The following NFIA variants were observed in gnomAD, a reference collection of about 807,000 sequenced individuals.
The protein encoded by NFIA is nuclear factor 1 A-type.
Under a neutral mutation model 62.8 loss-of-function variants are expected in NFIA, and 8 were observed. That is an observed-to-expected ratio of 0.13 (90% confidence interval 0.07 to 0.23). NFIA has a LOEUF of 0.23. NFIA is among the 10% of genes least tolerant of loss of function. The pLI is 1.00. For missense variants in NFIA, 410 were observed against 642.1 expected (o/e 0.64, Z 3.91); for synonymous variants, 235 against 238.1 (o/e 0.99, Z 0.12).
At chr1:61,235,509 TA>T (rs1654949777) in intron 2 of NFIA, among the ~76,000 whole-genome samples, 1 of 122,810 alleles carries the variant, frequency 8.1e-6, no homozygotes. Context: ...TAAATAAAAA[TA>T]AAAAATAAAA....
At chr1:61,107,894 C>T (rs907381505) in intron 2 of NFIA, among the ~76,000 whole-genome samples, 1 of 151,556 alleles carries the variant, frequency 6.6e-6, no homozygotes, top group African/African-American at 2.4e-5. Flanking sequence ...TTCACTTTAT[C>T]ACTTATTGAA....
chr1:61,306,940 T>G (rs897058759), intron 3 of NFIA, among the ~76,000 whole-genome samples: 6 of 152,196 alleles, frequency 3.9e-5, no homozygotes, highest in African/African-American at 7.2e-5. Context: ...TGGAGGACTT[T>G]TCTTTTCTAA....
At chr1:61,399,792 C>A (rs913408271) in intron 7 of NFIA, among the ~76,000 whole-genome samples, 3 of 152,158 alleles carry the variant, frequency 2.0e-5, no homozygotes, top group African/African-American at 7.2e-5. Flanking sequence ...CTAGTTCTGA[C>A]TCCTCTTAAG....
intron 2 of NFIA, among the ~76,000 whole-genome samples, chr1:61,136,686 G>A (rs953417871): frequency 1.3e-5 from 2 of 152,146 alleles, no homozygotes; most frequent in African/African-American, 4.8e-5. Context: ...TAACACCTAT[G>A]CACAAAGCAT....
At chr1:61,222,184 C>T (rs149823687) in intron 2 of NFIA, among the ~76,000 whole-genome samples, 9 of 152,124 alleles carry the variant, frequency 5.9e-5, no homozygotes, top group African/African-American at 1.4e-4. Context: ...AAAAGTTTTA[C>T]GGTTTTCTTA....
At chr1:61,117,214 T>G (rs1414557312) in intron 2 of NFIA, among the ~76,000 whole-genome samples, 1 of 152,214 alleles carries the variant, frequency 6.6e-6, no homozygotes. Flanking sequence ...ACTTAATAAA[T>G]GAAAGCTTTT....
chr1:61,226,579 G>C (rs925748175), intron 2 of NFIA, among the ~76,000 whole-genome samples: 1 of 152,098 alleles, frequency 6.6e-6, no homozygotes, highest in African/African-American at 2.4e-5. Flanking sequence ...TGGTTGAAAA[G>C]GGATCTGCAA....
At chr1:61,257,594 T>G (rs1656491260) in intron 2 of NFIA, among the ~76,000 whole-genome samples, 1 of 152,144 alleles carries the variant, frequency 6.6e-6, no homozygotes, top group South Asian at 2.1e-4. Context: ...TACTTTGGCC[T>G]CCCAAAGTGC....
chr1:61,205,327 T>C (rs1277176065), intron 2 of NFIA, among the ~76,000 whole-genome samples: 1 of 152,202 alleles, frequency 6.6e-6, no homozygotes, highest in Non-Finnish European at 1.5e-5. Flanking sequence ...TGCAGGTCCA[T>C]TTAACAGATT....
At chr1:61,325,372 A>C (rs1342183667) in intron 3 of NFIA, among the ~76,000 whole-genome samples, 1 of 152,148 alleles carries the variant, frequency 6.6e-6, no homozygotes, top group Non-Finnish European at 1.5e-5. Flanking sequence ...ATATTAATTC[A>C]CTCAGGTTTG....
chr1:61,445,950 C>T (rs1330130071), intron 10 of NFIA, among the ~76,000 whole-genome samples: 1 of 152,070 alleles, frequency 6.6e-6, no homozygotes. Flanking sequence ...TTTCCATAGC[C>T]AAGCTCATTC....
intron 2 of NFIA, among the ~76,000 whole-genome samples, chr1:61,265,465 A>C (rs896933468): frequency 1.3e-5 from 2 of 152,150 alleles, no homozygotes; most frequent in African/African-American, 4.8e-5. Context: ...GGCTTGGGTG[A>C]ATTTCTGAAG....
chr1:61,304,751 G>A (rs553898620), intron 3 of NFIA, among the ~76,000 whole-genome samples: 1 of 152,202 alleles, frequency 6.6e-6, no homozygotes, highest in South Asian at 2.1e-4. Context: ...TGCTCCCTGA[G>A]ATACCCAGCT....
intron 2 of NFIA, among the ~76,000 whole-genome samples, chr1:61,264,063 C>G (rs1218945164): frequency 6.6e-6 from 1 of 152,124 alleles, no homozygotes; most frequent in Non-Finnish European, 1.5e-5. Context: ...ACATGATGAG[C>G]TATCTCAAGA....
chr1:61,226,480 A>T (rs1163152872), intron 2 of NFIA, among the ~76,000 whole-genome samples: 4 of 152,104 alleles, frequency 2.6e-5, no homozygotes, highest in African/African-American at 7.2e-5. Context: ...AGCCATCCCT[A>T]AACTTCACAT....
chr1:61,377,448 C>T (rs1664206157), intron 6 of NFIA, among the ~76,000 whole-genome samples: 1 of 152,020 alleles, frequency 6.6e-6, no homozygotes, highest in Non-Finnish European at 1.5e-5. Context: ...TTGGTGTAAT[C>T]GTTGTTCTGG....
At chr1:61,265,952 G>T (rs1657134023) in intron 2 of NFIA, among the ~76,000 whole-genome samples, 2 of 152,250 alleles carry the variant, frequency 1.3e-5, no homozygotes, top group Middle Eastern at 6.8e-3. Context: ...ATTTCTAATT[G>T]CACTTATGAT....
intron 9 of NFIA, among the ~76,000 whole-genome samples, chr1:61,414,938 C>T (rs1329093194): frequency 6.6e-6 from 1 of 152,168 alleles, no homozygotes; most frequent in Non-Finnish European, 1.5e-5. Context: ...AATCCCCAAA[C>T]TCTTTCATTG....
chr1:61,267,137 G>A (rs1012889178), intron 2 of NFIA, among the ~76,000 whole-genome samples: 2 of 152,122 alleles, frequency 1.3e-5, no homozygotes, highest in Admixed American at 6.5e-5. Context: ...GAGGATACCA[G>A]GCCTAATTCA....
Sources: allele counts gnomAD v4.1 joint callset (sites outside exome capture counted in the v4.1 genomes callset), GRCh38; gene constraint gnomAD v4.1.1; transcripts MANE v1.5; gene names NCBI Gene and HGNC (gene_info 2026-07-23, HGNC 2026-07-21).